The following DNAH12 variants were observed in gnomAD, a reference collection of about 807,000 sequenced individuals.
DNAH12 encodes the protein axonemal beta dynein heavy chain 12.
Under a neutral mutation model 371.5 loss-of-function variants are expected in DNAH12, and 285 were observed. The ratio of observed to expected loss-of-function variants is 0.77; its 90% CI spans 0.70 to 0.85. DNAH12 has a LOEUF of 0.85. DNAH12 is among the 40% of genes least tolerant of loss of function. The pLI is 0.00. For missense variants in DNAH12, 3,611 were observed against 3,689.4 expected, an observed-to-expected ratio of 0.98 and a Z score of 0.55; for synonymous variants, 1,200 against 1,213.0, an observed-to-expected ratio of 0.99 and a Z score of 0.22.
intron 62 of DNAH12, among the ~76,000 whole-genome samples, chr3:57,324,634 C>T (rs1313604140): frequency 2.6e-5 from 4 of 152,140 alleles, no homozygotes; most frequent in Admixed American, 6.5e-5. Context: ...CAGCTCCCAG[C>T]GTGAGCCACG....
intron 1 of DNAH12, among the ~76,000 whole-genome samples, chr3:57,543,186 CTACAGCTG>C (rs971773886): frequency 6.6e-6 from 1 of 152,084 alleles, no homozygotes; most frequent in African/African-American, 2.4e-5. Flanking sequence ...GTAAATATCC[CTACAGCTG>C]TAGCATTCTG....
Position 57,485,748 on chromosome 3 carries a change from C to T in DNAH12, c.1515-2237G>A, listed in dbSNP as rs542882731. Among the ~76,000 whole-genome samples, 24 of 152,180 alleles carry T rather than the reference C, an allele frequency of 1.6e-4. No individual in the cohort carries two copies. In the East Asian group the frequency reaches 4.4e-3, roughly 28 times the overall value. On this transcript the variant is annotated intron_variant, in intron 12 of 73. Transcript: ENST00000495027. ...AACTCAGGAATGGAAAACCAAATAT[C>T]GTATATTCTCACTTATAAGTGGGAG...
intron 17 of DNAH12, among the ~76,000 whole-genome samples, chr3:57,466,722 GCTAAGTGGTCTGAC>G (rs1559690651): frequency 6.6e-6 from 1 of 152,032 alleles, no homozygotes; most frequent in Non-Finnish European, 1.5e-5. Context: ...CTTAGTATAG[GCTAAGTGGTCTGAC>G]CTAGTAAACT....
chr3:57,317,340 G>C (rs903087637), intron 65 of DNAH12, among the ~76,000 whole-genome samples: 9 of 152,006 alleles, frequency 5.9e-5, no homozygotes, highest in Non-Finnish European at 1.3e-4. Flanking sequence ...TATTCACCTT[G>C]CATAATTGAG....
At chr3:57,370,272 A>C (rs2063142769) in intron 55 of DNAH12, among the ~76,000 whole-genome samples, 1 of 152,212 alleles carries the variant, frequency 6.6e-6, no homozygotes, top group Non-Finnish European at 1.5e-5. Flanking sequence ...AAACATAGCA[A>C]AATCAGAGCT....
At chr3:57,547,331 A>T (rs1007037208), upstream of DNAH12, among the ~76,000 whole-genome samples, 1 of 151,208 alleles carries the variant, frequency 6.6e-6, no homozygotes, top group Non-Finnish European at 1.5e-5. Context: ...TTAAAAAAAA[A>T]TTTTATTATA....
intron 40 of DNAH12, among the ~76,000 whole-genome samples, chr3:57,407,116 C>G (rs1026828211): frequency 1.8e-4 from 28 of 152,006 alleles, no homozygotes; most frequent in African/African-American, 6.8e-4. Flanking sequence ...CCAGGATGGT[C>G]TCAATCTCTT....
chr3:57,305,467 G>A (rs1213277692), intron 69 of DNAH12, among the ~76,000 whole-genome samples: 2 of 152,000 alleles, frequency 1.3e-5, no homozygotes, highest in Non-Finnish European at 1.5e-5. Context: ...TTCATTCCGC[G>A]ACTAGCCCTC....
intron 20 of DNAH12, among the ~76,000 whole-genome samples, chr3:57,459,371 C>T (rs1209155544): frequency 6.6e-6 from 1 of 152,188 alleles, no homozygotes; most frequent in Non-Finnish European, 1.5e-5. Flanking sequence ...ACATTTGAAG[C>T]AGCTCCACCA....
intron 29 of DNAH12, among the ~76,000 whole-genome samples, chr3:57,442,282 C>CTT (rs11335744): frequency 2.0e-5 from 3 of 149,174 alleles, no homozygotes; most frequent in Non-Finnish European, 3.0e-5. Flanking sequence ...GCGTAAGAGG[C>CTT]TTTTTTTTTT....
chr3:57,368,978 G>T (rs1198608272), intron 55 of DNAH12, among the ~76,000 whole-genome samples: 1 of 151,826 alleles, frequency 6.6e-6, no homozygotes, highest in Non-Finnish European at 1.5e-5. Context: ...AGGCCAAGAC[G>T]GGCAGATCAC....
At chr3:57,330,028 A>G (rs1365232003) in intron 62 of DNAH12, among the ~76,000 whole-genome samples, 2 of 151,804 alleles carry the variant, frequency 1.3e-5, no homozygotes, top group African/African-American at 4.9e-5. Flanking sequence ...ATCTCATACC[A>G]GTTAGAATGG....
At chr3:57,555,227 G>C in the DNAH12 span, among the ~76,000 whole-genome samples, 11 of 151,502 alleles carry the variant, frequency 7.3e-5, no homozygotes, top group Admixed American at 2.0e-4. Flanking sequence ...TTGGGTGAAA[G>C]AGCAAGGCCC....
chr3:57,455,898 CAGTA>C (rs2065890910), intron 22 of DNAH12, among the ~76,000 whole-genome samples: 1 of 152,090 alleles, frequency 6.6e-6, no homozygotes, highest in Non-Finnish European at 1.5e-5. Context: ...GCTTTTTCAA[CAGTA>C]AGTGATTTTA....
chr3:57,492,162 A>T (rs989967115), intron 11 of DNAH12, among the ~76,000 whole-genome samples: 2 of 151,862 alleles, frequency 1.3e-5, no homozygotes, highest in East Asian at 1.9e-4. Context: ...TGTCTCTAAA[A>T]AAATAAATAA....
At chr3:57,543,703 T>C (rs920017485) in intron 1 of DNAH12, among the ~76,000 whole-genome samples, 2 of 150,928 alleles carry the variant, frequency 1.3e-5, no homozygotes, top group Admixed American at 6.6e-5. Flanking sequence ...AAGCAAAAAA[T>C]AGGCATACTT....
At chr3:57,323,434 A>G in intron 63 of DNAH12, 35 bp downstream of exon 63, 2 of 1,499,588 alleles carry the variant, frequency 1.3e-6, no homozygotes, top group East Asian at 2.5e-5. Context: ...TGTTTTATTT[A>G]TGATTTCTTA....
chr3:57,311,178 C>T (rs1243676193), intron 66 of DNAH12, among the ~76,000 whole-genome samples: 1 of 152,120 alleles, frequency 6.6e-6, no homozygotes, highest in African/African-American at 2.4e-5. Flanking sequence ...CAGGTTCAAG[C>T]GATTCTCCTG....
At chr3:57,463,735 G>T (rs998422302) in intron 17 of DNAH12, among the ~76,000 whole-genome samples, 3 of 152,020 alleles carry the variant, frequency 2.0e-5, no homozygotes, top group African/African-American at 7.2e-5. Context: ...TTAAATAAGT[G>T]AAGTTTTAAC....
Sources: gnomAD v4.1 joint callset for allele counts (sites outside exome capture counted in the v4.1 genomes callset) on GRCh38, gnomAD v4.1.1 for gene constraint, MANE v1.5 for transcripts, NCBI Gene and HGNC (gene_info 2026-07-23, HGNC 2026-07-21) for gene names.